The following GRIN2B variants were observed in gnomAD, a reference collection of about 807,000 sequenced individuals.
GRIN2B encodes glutamate ionotropic receptor NMDA type subunit 2B.
Under a neutral mutation model 114.5 loss-of-function variants are expected in GRIN2B, and 5 were observed. The ratio of observed to expected loss-of-function variants is 0.04; its 90% CI spans 0.02 to 0.09. The LOEUF (loss-of-function observed/expected upper bound fraction) is 0.09. Ranked by LOEUF, GRIN2B falls within the 10% of genes least tolerant of loss-of-function variation. GRIN2B has a pLI of 1.00. For missense variants in GRIN2B, 1,108 were observed against 1,943.5 expected, an observed-to-expected ratio of 0.57 and a Z score of 8.08; for synonymous variants, 787 against 745.1, an observed-to-expected ratio of 1.06 and a Z score of -0.92.
At chr12:13,807,583 T>C (rs1864627209) in intron 3 of GRIN2B, among the ~76,000 whole-genome samples, 1 of 152,024 alleles carries the variant, frequency 6.6e-6, no homozygotes, top group Non-Finnish European at 1.5e-5. Flanking sequence ...GGAAAAACTG[T>C]CCAAATTAAG....
intron 4 of GRIN2B, among the ~76,000 whole-genome samples, chr12:13,709,805 A>C (rs143742702): frequency 0.02 from 3,072 of 152,138 alleles, 57 homozygotes; most frequent in South Asian, 0.059. Flanking sequence ...ACTGTTGACA[A>C]ACATTCATAT....
At chr12:13,952,606 T>C (rs1382568507) in intron 2 of GRIN2B, among the ~76,000 whole-genome samples, 1 of 152,152 alleles carries the variant, frequency 6.6e-6, no homozygotes, top group Non-Finnish European at 1.5e-5. Context: ...GTCTTTCTTT[T>C]TCATAGATTG....
intron 10 of GRIN2B, among the ~76,000 whole-genome samples, chr12:13,605,268 A>G (rs1949223965): frequency 6.6e-6 from 1 of 152,118 alleles, no homozygotes; most frequent in Admixed American, 6.6e-5. Flanking sequence ...GGAAATGACT[A>G]ATTTCCCAGA....
At position 13,737,878 on chromosome 12, in the gene GRIN2B, A is replaced by G. The variant is rs183823688; in HGVS notation, c.1010+15439T>C. ...ACGTAAAGTTTCCAAGTGTTTAATC[A>G]GATAGATTACATTACCCTACCCATA... On this transcript the variant is annotated intron_variant, in intron 4 of 13. Transcript: ENST00000609686. Among the ~76,000 whole-genome samples, 3 of 152,338 alleles carry G rather than the reference A, an allele frequency of 2.0e-5. No individual in the cohort carries two copies. In the East Asian group the frequency reaches 5.8e-4, roughly 29 times the overall value.
chr12:13,672,288 C>G (rs949436396), intron 5 of GRIN2B, among the ~76,000 whole-genome samples: 1 of 152,112 alleles, frequency 6.6e-6, no homozygotes, highest in African/African-American at 2.4e-5. Flanking sequence ...GTGGCCTGAC[C>G]AGTGGCTGAC....
At chr12:13,636,705 G>T (rs538186720) in intron 5 of GRIN2B, among the ~76,000 whole-genome samples, 3 of 152,302 alleles carry the variant, frequency 2.0e-5, no homozygotes, top group African/African-American at 7.2e-5. Context: ...CAGATCCTGG[G>T]CAGAACAGTG....
intron 5 of GRIN2B, among the ~76,000 whole-genome samples, chr12:13,666,386 A>G (rs1250139492): frequency 6.6e-6 from 1 of 152,208 alleles, no homozygotes; most frequent in African/African-American, 2.4e-5. Context: ...GAAGGAAAGT[A>G]GAAAAGCTCC....
rs1948611334 is a variant in GRIN2B, at chr12:13,564,645, G to T, written c.2599-6C>A. 6.2e-7 allele frequency: 1 copy of T among 1,612,926 alleles called. No homozygotes were observed. The highest frequency in any genetic ancestry group is 1.7e-5 in the Admixed American group (1 of 60,008). On this transcript the variant is annotated splice_region_variant and splice_polypyrimidine_tract_variant and intron_variant, in intron 13 of 13. Transcript: ENST00000609686. This position sits in a 1 kb window ranked among gnomAD's most constrained non-coding sequence, Gnocchi z 4.8. ...TGGATGCAGCTGTAGATACCCTGAA[G>T]CAAGAATGGAGGGACAGGTTAGATC...
chr12:13,886,733 A>G (rs917664612), intron 2 of GRIN2B, among the ~76,000 whole-genome samples: 7 of 152,096 alleles, frequency 4.6e-5, no homozygotes, highest in African/African-American at 1.7e-4. Context: ...TCCTTCCTCT[A>G]TAATAAACCT....
intron 2 of GRIN2B, among the ~76,000 whole-genome samples, chr12:13,948,406 A>G (rs1365098912): frequency 6.6e-6 from 1 of 152,198 alleles, no homozygotes; most frequent in East Asian, 1.9e-4. Context: ...CTGAAAGAGC[A>G]CTGTAAATAG....
chr12:13,586,822 C>T (rs1948931313), intron 10 of GRIN2B, among the ~76,000 whole-genome samples: 1 of 152,326 alleles, frequency 6.6e-6, no homozygotes, highest in East Asian at 1.9e-4. Flanking sequence ...ATGAAACTAT[C>T]TTTCACTGTT....
intron 10 of GRIN2B, among the ~76,000 whole-genome samples, chr12:13,584,938 C>G (rs985611234): frequency 6.6e-6 from 1 of 152,174 alleles, no homozygotes; most frequent in Non-Finnish European, 1.5e-5. Flanking sequence ...ACCTCACAGA[C>G]CAACTTGGGA....
chr12:13,629,879 T>C (rs1247918209), intron 5 of GRIN2B, among the ~76,000 whole-genome samples: 1 of 152,174 alleles, frequency 6.6e-6, no homozygotes, highest in Non-Finnish European at 1.5e-5. Flanking sequence ...TTCGGCTCAG[T>C]AGCATCTATG....
intron 4 of GRIN2B, among the ~76,000 whole-genome samples, chr12:13,680,820 T>C (rs1451926566): frequency 6.6e-6 from 1 of 152,122 alleles, no homozygotes; most frequent in East Asian, 1.9e-4. Context: ...TGGCACATCC[T>C]GGACTATATA....
At chr12:13,707,708 G>T (rs989579709) in intron 4 of GRIN2B, among the ~76,000 whole-genome samples, 1 of 151,902 alleles carries the variant, frequency 6.6e-6, no homozygotes, top group Non-Finnish European at 1.5e-5. Flanking sequence ...GATAGGTGGA[G>T]AATGTGCAGA....
At chr12:13,935,970 G>A (rs932862286) in intron 2 of GRIN2B, among the ~76,000 whole-genome samples, 3 of 152,124 alleles carry the variant, frequency 2.0e-5, no homozygotes, top group Admixed American at 1.3e-4. Flanking sequence ...TCCTGACAGA[G>A]AGCTAGAGTC....
At chr12:13,907,215 G>A (rs965966155) in intron 2 of GRIN2B, among the ~76,000 whole-genome samples, 2 of 152,224 alleles carry the variant, frequency 1.3e-5, no homozygotes, top group African/African-American at 4.8e-5. Flanking sequence ...AGAGGGCCGG[G>A]CGTGGTGGCT....
At chr12:13,689,902 C>T (rs189759963) in intron 4 of GRIN2B, among the ~76,000 whole-genome samples, 10 of 152,214 alleles carry the variant, frequency 6.6e-5, no homozygotes, top group Non-Finnish European at 1.2e-4. Flanking sequence ...TGCTTATGGA[C>T]TCAGATCAAA....
At chr12:13,953,321 A>G (rs538025755) in intron 2 of GRIN2B, among the ~76,000 whole-genome samples, 66 of 152,278 alleles carry the variant, frequency 4.3e-4, no homozygotes, top group African/African-American at 1.4e-3. Flanking sequence ...CTGCCCAGAT[A>G]CAAGGGGAGG....
Sources: gnomAD v4.1 joint callset for allele counts (sites outside exome capture counted in the v4.1 genomes callset) on GRCh38, gnomAD v4.1.1 for gene constraint, Gnocchi (gnomAD v3.1) non-coding constraint, MANE v1.5 for transcripts, NCBI Gene and HGNC (gene_info 2026-07-23, HGNC 2026-07-21) for gene names.